The following SYN1 variants were observed in gnomAD, a reference collection of about 807,000 sequenced individuals.
SYN1 encodes the protein synapsin I, also known as synapsin-1.
A neutral mutation model predicts 44.6 loss-of-function variants in SYN1; 8 were observed. The observed-to-expected ratio is 0.18, with a 90% CI of 0.11 to 0.32. The LOEUF is 0.32. Ranked by LOEUF, SYN1 falls within the 10% of genes least tolerant of loss-of-function variation. SYN1 has a pLI of 1.00. For synonymous variants in SYN1, 275 were observed against 280.1 expected (o/e 0.98, Z 0.18); for missense variants, 451 against 639.4 (o/e 0.71, Z 3.18).
Position 47,605,039 on chromosome X carries a change from T to C in SYN1, c.713A>G (p.Lys238Arg). Residue 238 changes from lysine (K) to arginine (R), a missense_variant, in exon 5 of 13, where the codon AAA (lysine) becomes AGA (arginine). Lys to Arg is a conservative substitution (Grantham distance 26). Coordinates refer to ENST00000295987, the MANE Select transcript of SYN1 (RefSeq NM_006950.3). ...VFAQMVRLHK[K>R]LGTEEFPLID... ...TAGAGGGAATTCTTCTGTCCCCAGT[T>C]TCTTATGCAGTCGAACCATCTGGGC... The C allele has an allele frequency of 8.3e-7, 1 of 1,211,824 alleles. No homozygotes were observed. The highest frequency in any genetic ancestry group is 1.1e-6 in the Non-Finnish European group (1 of 895,467).
Position 47,574,574 on chromosome X carries a change from C to T in SYN1, c.1410G>A (p.Pro470=), listed in dbSNP as rs1377650260. ...RPPPQGGPPQ[P]GPGPQRQGPP... The stretch of plus-strand genomic sequence containing the variant: ...GTCCCTGGCGCTGGGGGCCTGGACC[C>T]GGCTGTGGAGGGCCGCCTGGGGGAC... The change falls in exon 12 of 13, where the codon CCG becomes CCA. Residue 470 remains proline, a synonymous_variant. Coordinates refer to ENST00000295987, the MANE Select transcript of SYN1 (RefSeq NM_006950.3). 1.8e-6 allele frequency: 2 copies of T among 1,098,038 alleles called. No individual in the cohort carries two copies. The highest frequency in any genetic ancestry group is 4.4e-5 in the South Asian group (2 of 45,142). The allele number at this position is 1,098,038 out of a possible 1,213,427, so 90.5% of individuals were successfully genotyped here.
At chrX:47,611,663 T>C (rs1310564588) in intron 1 of SYN1, among the ~76,000 whole-genome samples, 1 of 111,687 alleles carries the variant, frequency 9.0e-6, no homozygotes, top group Non-Finnish European at 1.9e-5. Flanking sequence ...TCCCATGGAA[T>C]AGCACACTGG....
rs745470769 is a variant in SYN1, at chrX:47,576,509, G to A, written c.969C>T (p.Tyr323=). The change falls in exon 7 of 13, where the codon TAC becomes TAT. Residue 323 remains tyrosine, a synonymous_variant. Coordinates refer to ENST00000295987, the MANE Select transcript of SYN1 (RefSeq NM_006950.3). ...DVRVQKIGQN[Y]KAYMRTSVSG... ...GTCTCTCCACTCACATGTAGGCCTT[G>A]TAGTTCTGCCCAATCTTCTGGACAC... 6.6e-6 allele frequency: 8 copies of A among 1,212,151 alleles called. No homozygotes were observed. The South Asian group carries it at 1.4e-4, about 21-fold the overall frequency.
In SYN1 at chrX:47,610,462, ACCC is replaced by A. The variant is rs945128333; in HGVS notation, c.378-3267_378-3265del. ...ACAATGCCTGCCCCCCTCAGAGTCT[ACCC>A]CCCACCTACCCTCCTGGAAACCAGA... On this transcript the variant is annotated intron_variant, in intron 1 of 12. Coordinates refer to ENST00000295987, the MANE Select transcript of SYN1 (RefSeq NM_006950.3). 1.0e-4 allele frequency among the ~76,000 whole-genome samples: 10 copies of A among 96,858 alleles called. 1 individual carries two copies. Among genetic ancestry groups the A allele is most frequent in the African/African-American group, 3.7e-4 (10 of 26,733 alleles). The allele number at this position is 96,858 out of a possible 115,157, so 84.1% of individuals were successfully genotyped here.
At chrX:47,616,201 C>G (rs917119346) in intron 1 of SYN1, among the ~76,000 whole-genome samples, 1 of 110,968 alleles carries the variant, frequency 9.0e-6, no homozygotes, top group Admixed American at 9.6e-5. Context: ...GGCTCTGTCC[C>G]TTTGTCCACC....
intron 9 of SYN1, 145 bp downstream of exon 9, chrX:47,575,984 CCT>C (rs2057776227): frequency 8.8e-6 from 5 of 570,287 alleles, no homozygotes; most frequent in Non-Finnish European, 1.4e-5. Context: ...AGGGATGGCC[CCT>C]TCGAAAGTTC....
At position 47,571,966 on chromosome X, in the gene SYN1, G is replaced by A; in HGVS notation, c.*898C>T. The A allele has an allele frequency of 6.3e-6, 1 of 158,051 alleles. No individual in the cohort carries two copies. Among genetic ancestry groups the A allele is most frequent in the South Asian group, 2.6e-4 (1 of 3,786 alleles). 13.0% of individuals were successfully genotyped at this position (158,051 alleles called of 1,213,427 possible). On this transcript the variant is annotated 3_prime_UTR_variant, in exon 13 of 13. Transcript: ENST00000295987. ...TCTTGGGGTTCAGAGCCGCTGAGGG[G>A]TGGGGTGAGTCCAGGCAAGGAGTGA...
At chrX:47,591,067 T>C (rs1173432458) in intron 5 of SYN1, among the ~76,000 whole-genome samples, 1 of 111,025 alleles carries the variant, frequency 9.0e-6, no homozygotes, top group African/African-American at 3.3e-5. Context: ...TAATTTTTTG[T>C]AGAGACGGGG....
intron 1 of SYN1, among the ~76,000 whole-genome samples, chrX:47,616,095 TG>T (rs1294507439): frequency 9.0e-6 from 1 of 111,231 alleles, no homozygotes; most frequent in Non-Finnish European, 1.9e-5. Context: ...CTGCTTTATT[TG>T]GGGCTGAAAT....
intron 5 of SYN1, among the ~76,000 whole-genome samples, chrX:47,582,783 C>T (rs925980620): frequency 1.0e-5 from 1 of 96,308 alleles, no homozygotes; most frequent in African/African-American, 3.9e-5. Context: ...CCCTCATCGC[C>T]CCCTAAATAC....
chrX:47,590,595 T>C (rs1466713860), intron 5 of SYN1, among the ~76,000 whole-genome samples: 1 of 111,782 alleles, frequency 8.9e-6, no homozygotes, highest in African/African-American at 3.3e-5. Context: ...CCAGGTCCTT[T>C]GAGGGATAGA....
At chrX:47,582,497 C>A in intron 5 of SYN1, 1 of 310,951 alleles carries the variant, frequency 3.2e-6, no homozygotes, top group Non-Finnish European at 6.5e-6. Context: ...CGGGGTGGCC[C>A]AGCAGGGACC....
chrX:47,574,459 G>A lies in SYN1; in HGVS notation c.1525C>T (p.Pro509Ser), dbSNP rs1326450802. Residue 509 changes from proline to serine, a missense_variant, in exon 12 of 13, where the codon CCA (proline) becomes TCA (serine). Physicochemically the swap from Pro to Ser is moderately conservative, Grantham distance 74. This residue lies in a region of SYN1 where 315 missense variants were observed against 451.4 expected (regional missense o/e 0.70). Transcript: ENST00000295987. Reference sequence around the variant, plus strand: ...TGCTGGGGCGCTGAGGTGGGACTTGGAAGGCGCTGGGGCAGGGGGCTGCCA... The same window carrying A: ...TGCTGGGGCGCTGAGGTGGGACTTGAAAGGCGCTGGGGCAGGGGGCTGCCA... ...PAGSPLPQRLPSPTSAPQQPA... is the reference protein window; with the variant it reads ...PAGSPLPQRLSSPTSAPQQPA... 9 of 1,063,661 alleles carry A rather than the reference G, an allele frequency of 8.5e-6. No homozygotes were observed. In the East Asian group the frequency reaches 2.5e-4, roughly 29 times the overall value. 87.7% of individuals were successfully genotyped at this position (1,063,661 alleles called of 1,213,427 possible). A position where few individuals can be genotyped will look rare whatever the true frequency, so the allele number is the denominator to read the frequency against.
chrX:47,595,697 G>A, intron 5 of SYN1, among the ~76,000 whole-genome samples: 1 of 111,513 alleles, frequency 9.0e-6, no homozygotes, highest in African/African-American at 3.3e-5. Flanking sequence ...ACAATGAGAG[G>A]GCCTTGAAGC....
Position 47,577,519 on chromosome X carries a change from G to T in SYN1, c.775-18C>A. 1 of 1,197,915 alleles carries T rather than the reference G, an allele frequency of 8.3e-7. No homozygotes were observed. On this transcript the variant is annotated intron_variant, in intron 5 of 12. Coordinates refer to ENST00000295987, the MANE Select transcript of SYN1 (RefSeq NM_006950.3). Reference sequence around the variant, plus strand: ...CTGCTGAGCTGGTGGGGAAAAGGCAGAGGAGACATGCTCAGGGCAGAAAGG... The same window carrying T: ...CTGCTGAGCTGGTGGGGAAAAGGCATAGGAGACATGCTCAGGGCAGAAAGG...
intron 5 of SYN1, among the ~76,000 whole-genome samples, chrX:47,581,417 A>G (rs1223392740): frequency 1.8e-5 from 2 of 112,180 alleles, no homozygotes; most frequent in Non-Finnish European, 3.8e-5. Flanking sequence ...GTACAGGTCC[A>G]TGGGGAGGGG....
intron 3 of SYN1, among the ~76,000 whole-genome samples, chrX:47,606,222 A>G (rs2057896536): frequency 9.3e-6 from 1 of 107,134 alleles, no homozygotes; most frequent in Admixed American, 1.0e-4. Context: ...GCACTTTTAC[A>G]TTTTCTTATT....
intron 1 of SYN1, among the ~76,000 whole-genome samples, chrX:47,608,686 C>T (rs1307664920): frequency 9.1e-6 from 1 of 109,593 alleles, no homozygotes; most frequent in African/African-American, 3.3e-5. Context: ...ACTGCTATGT[C>T]ATTGTCCCCG....
intron 5 of SYN1, among the ~76,000 whole-genome samples, chrX:47,590,828 C>T (rs7064051): frequency 0.044 from 4,880 of 111,984 alleles, 264 homozygotes; most frequent in African/African-American, 0.15. Flanking sequence ...TCCTTGTCCC[C>T]GTTGCCTACT....
Sources: allele counts gnomAD v4.1 joint callset (sites outside exome capture counted in the v4.1 genomes callset), GRCh38; gene constraint gnomAD v4.1.1; regional missense constraint gnomAD v4.1.1; transcripts MANE v1.5; gene names NCBI Gene and HGNC (gene_info 2026-07-23, HGNC 2026-07-21).